NOL4: variants seen among roughly 807,000 people sequenced by gnomAD.
NOL4 encodes the protein nucleolar protein 4.
NOL4 carries 17 observed loss-of-function variants against 75.9 expected under a neutral mutation model. The ratio of observed to expected loss-of-function variants is 0.22; its 90% CI spans 0.15 to 0.34. NOL4 has a LOEUF of 0.34. Among genes scored for constraint, NOL4 ranks in the 10% least tolerant of loss-of-function variants. The pLI, the probability that NOL4 is intolerant of heterozygous loss-of-function variation, is 1.00. For missense variants in NOL4, 614 were observed against 793.5 expected, an observed-to-expected ratio of 0.77 and a Z score of 2.72; for synonymous variants, 292 against 289.9, an observed-to-expected ratio of 1.01 and a Z score of -0.07.
intron 1 of NOL4, among the ~76,000 whole-genome samples, chr18:34,192,823 G>A (rs924245357): frequency 1.3e-5 from 2 of 152,110 alleles, no homozygotes; most frequent in East Asian, 3.9e-4. Context: ...GTGGATTAAC[G>A]GCATTATCAT....
intron 1 of NOL4, among the ~76,000 whole-genome samples, chr18:34,138,177 T>G (rs1219918261): frequency 6.6e-6 from 1 of 152,080 alleles, no homozygotes; most frequent in African/African-American, 2.4e-5. Flanking sequence ...TTTGGGAGGC[T>G]GCAGAAGGTG....
chr18:34,179,763 C>A (rs2033875478), intron 1 of NOL4, among the ~76,000 whole-genome samples: 1 of 151,498 alleles, frequency 6.6e-6, no homozygotes, highest in African/African-American at 2.4e-5. Context: ...GAGCACACAG[C>A]AAGAAGATAC....
intron 9 of NOL4, among the ~76,000 whole-genome samples, chr18:33,929,220 T>C (rs1225030749): frequency 6.6e-6 from 1 of 152,178 alleles, no homozygotes; most frequent in Non-Finnish European, 1.5e-5. Flanking sequence ...CCCAGTCATC[T>C]CTTCTTTGAT....
At chr18:33,971,107 G>T (rs935847427) in intron 6 of NOL4, among the ~76,000 whole-genome samples, 5 of 152,154 alleles carry the variant, frequency 3.3e-5, no homozygotes, top group African/African-American at 1.2e-4. Context: ...GAACGTGAAA[G>T]AATGTTTTTC....
intron 1 of NOL4, among the ~76,000 whole-genome samples, chr18:34,182,711 A>AT (rs199895686): frequency 6.6e-5 from 10 of 151,444 alleles, no homozygotes; most frequent in African/African-American, 1.5e-4. Context: ...GAGAATAAGG[A>AT]TTTTTTTTAA....
intron 2 of NOL4, among the ~76,000 whole-genome samples, chr18:34,125,460 T>G (rs2080341740): frequency 6.6e-6 from 1 of 152,146 alleles, no homozygotes; most frequent in South Asian, 2.1e-4. Context: ...TTAGTCCCAT[T>G]ATAAGTTGAC....
chr18:33,869,551 T>A (rs1303847271), intron 10 of NOL4, among the ~76,000 whole-genome samples: 1 of 151,998 alleles, frequency 6.6e-6, no homozygotes, highest in Admixed American at 6.6e-5. Flanking sequence ...TAGACTATAA[T>A]TAAGTTGAAT....
chr18:33,922,455 T>G (rs1459347915), intron 9 of NOL4, among the ~76,000 whole-genome samples: 2 of 152,188 alleles, frequency 1.3e-5, no homozygotes, highest in Non-Finnish European at 2.9e-5. Context: ...ATAAAGTTAT[T>G]TTTTAGGAAA....
chr18:33,992,018 T>C (rs2072958433), intron 6 of NOL4, among the ~76,000 whole-genome samples: 1 of 148,218 alleles, frequency 6.7e-6, no homozygotes, highest in Non-Finnish European at 1.5e-5. Flanking sequence ...AGCATGTGCA[T>C]AGATCTTCTT....
chr18:34,158,985 T>C (rs938554091), intron 1 of NOL4, among the ~76,000 whole-genome samples: 10 of 152,208 alleles, frequency 6.6e-5, no homozygotes, highest in Non-Finnish European at 1.5e-4. Context: ...GCCCTCTCAC[T>C]TCCTGTTTGT....
chr18:34,113,156 G>A (rs953168175), intron 2 of NOL4, among the ~76,000 whole-genome samples: 1 of 151,912 alleles, frequency 6.6e-6, no homozygotes, highest in Admixed American at 6.6e-5. Context: ...GTTTTGTTTT[G>A]TTTGGTGAAG....
At position 34,087,814 on chromosome 18, in the gene NOL4, T is replaced by C. The variant is rs551538494; in HGVS notation, c.772+5651A>G. Among the ~76,000 whole-genome samples, 3 of 152,072 alleles carry C rather than the reference T, an allele frequency of 2.0e-5. No homozygotes were observed. The South Asian group carries it at 6.2e-4, about 32-fold the overall frequency. ...TTTGGTGAATTCTATTAATATATCA[T>C]ATGTGTCTTAGTGGGAGGCAAAGAT... On this transcript the variant is annotated intron_variant, in intron 5 of 10. Coordinates refer to ENST00000261592, the MANE Select transcript of NOL4 (RefSeq NM_003787.5).
intron 1 of NOL4, chr18:34,222,489 A>T (rs1441615811): frequency 1.0e-6 from 1 of 978,864 alleles, no homozygotes; most frequent in Non-Finnish European, 1.2e-6. Flanking sequence ...TGTCCTGGGG[A>T]AAACCCCACA....
chr18:33,938,232 A>G (rs898071036), intron 9 of NOL4, among the ~76,000 whole-genome samples: 3 of 152,084 alleles, frequency 2.0e-5, no homozygotes, highest in Admixed American at 6.6e-5. Context: ...ATCCTTTCTC[A>G]TGGGGTTGTT....
At chr18:34,152,083 T>G (rs1344475135) in intron 1 of NOL4, among the ~76,000 whole-genome samples, 3 of 151,866 alleles carry the variant, frequency 2.0e-5, no homozygotes, top group African/African-American at 7.2e-5. Flanking sequence ...AACTTTTTTT[T>G]CAAAACAATT....
chr18:34,129,722 T>C (rs1301208679), intron 2 of NOL4, 149 bp downstream of exon 2: 19 of 650,528 alleles, frequency 2.9e-5, no homozygotes, highest in Admixed American at 1.2e-4. Context: ...ACAACCAAAA[T>C]AATTATAGTT....
At chr18:34,133,272 C>CAAAAAA (rs1230503382) in intron 1 of NOL4, among the ~76,000 whole-genome samples, 1 of 57,900 alleles carries the variant, frequency 1.7e-5, no homozygotes, top group Non-Finnish European at 3.9e-5. Context: ...AACTCCGTCT[C>CAAAAAA]AAAAAAAAAA....
chr18:34,079,074 T>C (rs1009939577), intron 5 of NOL4, among the ~76,000 whole-genome samples: 1 of 152,176 alleles, frequency 6.6e-6, no homozygotes, highest in African/African-American at 2.4e-5. Context: ...GAAGCTCGCT[T>C]AGCCAACTAA....
chr18:33,901,436 G>A (rs1188727425), intron 9 of NOL4, among the ~76,000 whole-genome samples: 1 of 152,032 alleles, frequency 6.6e-6, no homozygotes, highest in African/African-American at 2.4e-5. Context: ...GAGTTAAGAT[G>A]TAATTTAGGT....
Sources: gnomAD v4.1 joint callset for allele counts (sites outside exome capture counted in the v4.1 genomes callset) on GRCh38, gnomAD v4.1.1 for gene constraint, MANE v1.5 for transcripts, NCBI Gene and HGNC (gene_info 2026-07-23, HGNC 2026-07-21) for gene names.